The following LSAMP variants were observed in gnomAD, a reference collection of about 807,000 sequenced individuals.
LSAMP encodes the protein limbic system associated membrane protein.
Under a neutral mutation model 38.6 loss-of-function variants are expected in LSAMP, and 7 were observed. The observed-to-expected ratio is 0.18, with a 90% CI of 0.10 to 0.34. LSAMP has a LOEUF of 0.34. Among genes scored for constraint, LSAMP ranks in the 10% least tolerant of loss-of-function variants. LSAMP has a pLI of 1.00. For missense variants in LSAMP, 313 were observed against 420.0 expected (o/e 0.75, Z 2.23); for synonymous variants, 154 against 166.8 (o/e 0.92, Z 0.59).
chr3:116,101,005 T>G (rs1452453067), intron 1 of LSAMP, among the ~76,000 whole-genome samples: 2 of 152,232 alleles, frequency 1.3e-5, no homozygotes, highest in Non-Finnish European at 2.9e-5. Flanking sequence ...TTTTAAGTCT[T>G]TGTTTTTCTG....
At chr3:116,127,769 C>T (rs1465722852) in intron 1 of LSAMP, among the ~76,000 whole-genome samples, 1 of 126,710 alleles carries the variant, frequency 7.9e-6, no homozygotes, top group African/African-American at 2.9e-5. Flanking sequence ...AATGCTTTGA[C>T]TTTCCTTTTT....
At chr3:116,004,132 T>C (rs144083198) in intron 3 of LSAMP, among the ~76,000 whole-genome samples, 185 of 152,284 alleles carry the variant, frequency 1.2e-3, no homozygotes, top group African/African-American at 4.4e-3. Flanking sequence ...AGTGTTATAA[T>C]ATTTATTACT....
At chr3:116,299,867 C>A (rs1022334683) in intron 1 of LSAMP, among the ~76,000 whole-genome samples, 2 of 126,112 alleles carry the variant, frequency 1.6e-5, no homozygotes. Context: ...GTGGGGAAAC[C>A]AACAGCTTGC....
Position 116,325,451 on chromosome 3 carries a change from A to T in LSAMP, c.155+119426T>A, listed in dbSNP as rs148642772. ...AAAGTAAATGACAAGGTAAGGAGAG[A>T]CAGTCACATATTTGTCTTAAAAGTC... On this transcript the variant is annotated intron_variant, in intron 1 of 6. Coordinates refer to ENST00000490035, the MANE Select transcript of LSAMP (RefSeq NM_002338.5). Among the ~76,000 whole-genome samples, 691 of 152,286 alleles carry T rather than the reference A, an allele frequency of 4.5e-3. 8 individuals carry two copies. Among genetic ancestry groups the T allele is most frequent in the African/African-American group, 0.016 (652 of 41,550 alleles).
intron 1 of LSAMP, among the ~76,000 whole-genome samples, chr3:116,389,915 A>T (rs1242225195): frequency 6.6e-6 from 1 of 152,192 alleles, no homozygotes; most frequent in Non-Finnish European, 1.5e-5. Context: ...TAGCCCAAGG[A>T]ATGAGCACTC....
chr3:115,966,139 T>C (rs1329315502), intron 3 of LSAMP, among the ~76,000 whole-genome samples: 5 of 152,228 alleles, frequency 3.3e-5, no homozygotes, highest in Non-Finnish European at 5.9e-5. Context: ...TGTACATCTT[T>C]AAGGAAGGGA....
At chr3:116,263,395 G>A (rs922417768) in intron 1 of LSAMP, among the ~76,000 whole-genome samples, 9 of 151,934 alleles carry the variant, frequency 5.9e-5, no homozygotes, top group South Asian at 2.1e-4. Flanking sequence ...AAAATTAGCC[G>A]GGCATGGCGG....
intron 1 of LSAMP, among the ~76,000 whole-genome samples, chr3:116,171,933 G>A (rs1228642226): frequency 2.6e-5 from 4 of 151,948 alleles, no homozygotes; most frequent in African/African-American, 7.2e-5. Flanking sequence ...GGCATGCATG[G>A]ATCCTTCATG....
chr3:116,322,893 G>C (rs1330547415), intron 1 of LSAMP, among the ~76,000 whole-genome samples: 2 of 151,590 alleles, frequency 1.3e-5, no homozygotes, highest in Non-Finnish European at 2.9e-5. Flanking sequence ...ATTGTATCAA[G>C]CTAGCTAAAA....
chr3:116,163,129 G>T (rs1041902795), intron 1 of LSAMP, among the ~76,000 whole-genome samples: 11 of 151,422 alleles, frequency 7.3e-5, no homozygotes, highest in Non-Finnish European at 1.3e-4. Context: ...CAACGTGCAG[G>T]TTTGTTACAT....
intron 2 of LSAMP, among the ~76,000 whole-genome samples, chr3:116,033,567 G>A (rs747971119): frequency 6.6e-6 from 1 of 152,086 alleles, no homozygotes; most frequent in Non-Finnish European, 1.5e-5. Context: ...CCTGTGTTTA[G>A]GAGAGCTGAT....
At chr3:116,443,706 AT>A (rs776394022) in intron 1 of LSAMP, among the ~76,000 whole-genome samples, 11 of 152,162 alleles carry the variant, frequency 7.2e-5, no homozygotes, top group Non-Finnish European at 1.2e-4. Flanking sequence ...CTGTGTTTTT[AT>A]TGCCACAACA....
intron 1 of LSAMP, among the ~76,000 whole-genome samples, chr3:116,293,452 C>A (rs1416012889): frequency 6.6e-6 from 1 of 151,664 alleles, no homozygotes; most frequent in African/African-American, 2.4e-5. Flanking sequence ...GGCAGAAATC[C>A]CAACTGTTCT....
intron 3 of LSAMP, among the ~76,000 whole-genome samples, chr3:115,931,865 C>T (rs1416487549): frequency 6.6e-6 from 1 of 152,016 alleles, no homozygotes; most frequent in Non-Finnish European, 1.5e-5. Flanking sequence ...GAGTAAATAG[C>T]AGAAGGGAGA....
At chr3:116,409,137 T>A (rs1465199409) in intron 1 of LSAMP, among the ~76,000 whole-genome samples, 1 of 152,070 alleles carries the variant, frequency 6.6e-6, no homozygotes, top group Non-Finnish European at 1.5e-5. Context: ...GAGAGGGTTA[T>A]CATTGACATT....
At chr3:116,097,458 C>A (rs907083093) in intron 1 of LSAMP, among the ~76,000 whole-genome samples, 2 of 152,138 alleles carry the variant, frequency 1.3e-5, no homozygotes, top group African/African-American at 4.8e-5. Flanking sequence ...TGGAGCAGAA[C>A]CACATTATAA....
intron 1 of LSAMP, among the ~76,000 whole-genome samples, chr3:116,090,612 G>T (rs1015417403): frequency 2.6e-5 from 4 of 152,182 alleles, no homozygotes; most frequent in African/African-American, 4.8e-5. Context: ...AATCACGTAG[G>T]TTCTTTTCTA....
At chr3:116,332,622 T>C (rs1307206316) in intron 1 of LSAMP, among the ~76,000 whole-genome samples, 4 of 152,138 alleles carry the variant, frequency 2.6e-5, no homozygotes, top group Non-Finnish European at 4.4e-5. Context: ...AGCAAAAAGA[T>C]AGAAGTAAAT....
rs527966333 is a variant in LSAMP at position 116,431,729 on chromosome 3, C to T, written c.155+13148G>A. On this transcript the variant is annotated intron_variant, in intron 1 of 6. Transcript: ENST00000490035. ...TATAATAGCATAATTTTGAGAATTTCACTTGGTAAACATTATTCTTCTCTT... is the reference window on the plus strand; with the variant it reads ...TATAATAGCATAATTTTGAGAATTTTACTTGGTAAACATTATTCTTCTCTT... Among the ~76,000 whole-genome samples, 362 of 152,068 alleles carry T rather than the reference C, an allele frequency of 2.4e-3. 1 individual carries two copies. Among genetic ancestry groups the T allele is most frequent in the African/African-American group, 7.9e-3 (330 of 41,530 alleles).
Sources: allele counts gnomAD v4.1 joint callset (sites outside exome capture counted in the v4.1 genomes callset), GRCh38; gene constraint gnomAD v4.1.1; transcripts MANE v1.5; gene names NCBI Gene and HGNC (gene_info 2026-07-23, HGNC 2026-07-21).